Variants in RIMS2 observed in about 807,000 individuals in gnomAD.
RIMS2 encodes regulating synaptic membrane exocytosis 2.
Under a neutral mutation model 174.4 loss-of-function variants are expected in RIMS2, and 59 were observed. The observed-to-expected ratio is 0.34, with a 90% CI of 0.27 to 0.42. The LOEUF (loss-of-function observed/expected upper bound fraction) is 0.42. RIMS2 is among the 10% of genes least tolerant of loss of function. The pLI is 1.00. For synonymous variants in RIMS2, 606 were observed against 572.5 expected (o/e 1.06, Z -0.84); for missense variants, 1,620 against 1,666.3 (o/e 0.97, Z 0.48).
chr8:103,610,863 A>T (rs541012480), intron 1 of RIMS2, among the ~76,000 whole-genome samples: 1 of 152,030 alleles, frequency 6.6e-6, no homozygotes, highest in South Asian at 2.1e-4. Flanking sequence ...AGAGGAGTTC[A>T]TTCACAATTT....
chr8:104,173,268 A>G (rs960262899), intron 19 of RIMS2, among the ~76,000 whole-genome samples: 13 of 152,182 alleles, frequency 8.5e-5, no homozygotes, highest in African/African-American at 3.1e-4. Flanking sequence ...TACTTAATTC[A>G]GAATGCTATT....
chr8:103,966,965 A>G (rs780766774), intron 15 of RIMS2, among the ~76,000 whole-genome samples: 1 of 151,786 alleles, frequency 6.6e-6, no homozygotes, highest in East Asian at 1.9e-4. Context: ...GCAGCATTGT[A>G]TGTTTTAAAA....
chr8:103,668,009 C>T (rs928902435), intron 1 of RIMS2, among the ~76,000 whole-genome samples: 5 of 152,112 alleles, frequency 3.3e-5, no homozygotes, highest in African/African-American at 1.2e-4. Flanking sequence ...TGTTGGGGGA[C>T]CATGACAAAC....
chr8:103,885,161 T>A, intron 3 of RIMS2, 137 bp from the exon 7 acceptor site: 1 of 1,252,276 alleles, frequency 8.0e-7, no homozygotes. Context: ...AAACCATTGT[T>A]ACGCTATGCC....
At chr8:103,744,446 C>G (rs1374245160) in intron 2 of RIMS2, among the ~76,000 whole-genome samples, 1 of 152,142 alleles carries the variant, frequency 6.6e-6, no homozygotes, top group Non-Finnish European at 1.5e-5. Context: ...ATATTATTTT[C>G]ATAAAATGAG....
chr8:103,764,677 TTGA>T (rs1419883779), intron 2 of RIMS2, among the ~76,000 whole-genome samples: 1 of 152,162 alleles, frequency 6.6e-6, no homozygotes, highest in Non-Finnish European at 1.5e-5. Context: ...CATACATATA[TTGA>T]TATTATTTAT....
chr8:104,239,377 A>G (rs116341655), intron 19 of RIMS2, among the ~76,000 whole-genome samples: 1,774 of 152,180 alleles, frequency 0.012, 32 homozygotes, highest in African/African-American at 0.041. Flanking sequence ...GCAGTTCAAG[A>G]ACTTGATTTT....
chr8:104,147,757 C>T (rs928171268), intron 19 of RIMS2, among the ~76,000 whole-genome samples: 1 of 152,190 alleles, frequency 6.6e-6, no homozygotes. Context: ...AGCTGGATAG[C>T]CTGCTTCCAG....
intron 3 of RIMS2, among the ~76,000 whole-genome samples, chr8:103,854,622 A>G (rs1488021607): frequency 2.6e-5 from 4 of 151,838 alleles, no homozygotes; most frequent in Non-Finnish European, 5.9e-5. Flanking sequence ...ATTGAGATGA[A>G]CATATGCTTT....
At chr8:104,214,487 A>G (rs2441916) in intron 19 of RIMS2, among the ~76,000 whole-genome samples, 50,545 of 151,824 alleles carry the variant, frequency 0.33, 8,695 homozygotes, top group African/African-American at 0.42. Flanking sequence ...TCACTCTGTC[A>G]CCCAGGCTGG....
chr8:104,013,530 A>G, exon 18 of RIMS2: 1 of 1,613,914 alleles, frequency 6.2e-7, no homozygotes, highest in Non-Finnish European at 8.5e-7. Flanking sequence ...CACCCGCTCC[A>G]GATCCACTGA....
chr8:103,766,299 A>G, exon 3 of RIMS2: 1 of 1,613,344 alleles, frequency 6.2e-7, no homozygotes, highest in Non-Finnish European at 8.5e-7. Flanking sequence ...GTTTTATAAT[A>G]GTGGATCTAA....
intron 1 of RIMS2, among the ~76,000 whole-genome samples, chr8:103,665,314 G>A (rs1042735975): frequency 1.3e-5 from 2 of 152,178 alleles, no homozygotes; most frequent in African/African-American, 4.8e-5. Context: ...TAGTTCATAA[G>A]TGTGATTGGG....
At chr8:103,881,858 A>G (rs1421284260) in intron 3 of RIMS2, among the ~76,000 whole-genome samples, 1 of 151,496 alleles carries the variant, frequency 6.6e-6, no homozygotes, top group Non-Finnish European at 1.5e-5. Context: ...AGAGAAGTGA[A>G]TCGATATTAG....
At position 103,718,763 on chromosome 8, in the gene RIMS2, G is replaced by A. The variant is rs191383622; in HGVS notation, c.387+21467G>A. Among the ~76,000 whole-genome samples, 232 of 152,132 alleles carry A rather than the reference G, an allele frequency of 1.5e-3. 2 individuals carry two copies. Among genetic ancestry groups the A allele is most frequent in the African/African-American group, 5.1e-3 (210 of 41,524 alleles). On this transcript the variant is annotated intron_variant, in intron 2 of 23. Transcript: ENST00000504942. ...GCTCACTGCAATCTCCACCTCCCGA[G>A]TTCAAGTGATTCTCCTGCCTCAGCC...
At chr8:104,041,762 A>T (rs1597607331) in intron 19 of RIMS2, among the ~76,000 whole-genome samples, 1 of 151,638 alleles carries the variant, frequency 6.6e-6, no homozygotes, top group African/African-American at 2.4e-5. Context: ...TGAGTTCATC[A>T]GTGTTCTACA....
chr8:103,941,981 A>C (rs917204716), intron 13 of RIMS2, among the ~76,000 whole-genome samples: 19 of 152,190 alleles, frequency 1.2e-4, no homozygotes, highest in South Asian at 2.1e-4. Context: ...TAGGCACTTC[A>C]ATTGTAAGAG....
At chr8:103,530,707 A>G (rs369856419) in intron 1 of RIMS2, among the ~76,000 whole-genome samples, 1 of 152,156 alleles carries the variant, frequency 6.6e-6, no homozygotes, top group Non-Finnish European at 1.5e-5. Context: ...ATTTATAATA[A>G]ATGTATAATA....
chr8:104,095,124 T>C (rs1263553653), intron 19 of RIMS2, among the ~76,000 whole-genome samples: 1 of 152,036 alleles, frequency 6.6e-6, no homozygotes, highest in Non-Finnish European at 1.5e-5. Context: ...TAAGGCAGAG[T>C]TCTTTAAAAT....
Sources: allele counts gnomAD v4.1 joint callset (sites outside exome capture counted in the v4.1 genomes callset), GRCh38; gene constraint gnomAD v4.1.1; transcripts MANE v1.5; gene names NCBI Gene and HGNC (gene_info 2026-07-23, HGNC 2026-07-21).